The following CCZ1B variants were observed in gnomAD, a reference collection of about 807,000 sequenced individuals.
The protein encoded by CCZ1B is CCZ1B vacuolar protein trafficking and biogenesis associated, also known as vacuolar fusion protein CCZ1 homolog B.
In CCZ1B, 25 loss-of-function variants were observed where a neutral mutation model predicts 58.8. That is an observed-to-expected ratio of 0.43 (90% CI 0.31 to 0.59). The LOEUF (loss-of-function observed/expected upper bound fraction) is 0.59, where lower values mean the gene tolerates loss of function less well. Ranked by LOEUF, CCZ1B falls within the 20% of genes least tolerant of loss-of-function variation. The pLI is 0.12. For synonymous variants in CCZ1B, 66 were observed against 173.2 expected (o/e 0.38, Z 4.86); for missense variants, 180 against 501.5 (o/e 0.36, Z 6.12).
intron 12 of CCZ1B, among the ~76,000 whole-genome samples, chr7:6,802,301 CAG>C (rs1482363475): frequency 1.1e-5 from 1 of 90,096 alleles, no homozygotes; most frequent in Admixed American, 1.4e-4. Flanking sequence ...CCTCCCAGGT[CAG>C]AGTCTGTGAC....
In CCZ1B at chr7:6,822,328, C is replaced by T. The variant is rs748870315; in HGVS notation, c.475G>A (p.Gly159Arg). The change falls in exon 6 of 15, where the codon GGA (glycine) becomes AGA (arginine). Residue 159 changes from glycine to arginine, a missense_variant. Coordinates refer to ENST00000316731, the MANE Select transcript of CCZ1B (RefSeq NM_198097.5). The part of the protein sequence containing the change: ...NGTFLKAMED[G>R]GVKLLKERLE... ...CTTTCTTTCAGAAGCTTGACGCCTC[C>T]GTCTTCCATGGCTTTCAGAAATGTA... is the stretch of plus-strand genomic sequence containing the variant. The T allele has an allele frequency of 6.9e-6, 11 of 1,591,150 alleles. No individual in the cohort carries two copies. Among genetic ancestry groups the T allele is most frequent in the East Asian group, 4.5e-5 (2 of 44,836 alleles).
At chr7:6,814,977 TTTA>T (rs1207567909) in intron 7 of CCZ1B, 132 bp from the exon 8 acceptor site, 1 of 576,902 alleles carries the variant, frequency 1.7e-6, no homozygotes, top group African/African-American at 2.1e-5. Context: ...ATTCTAACTT[TTTA>T]AAGTTTAAAG....
chr7:6,819,263 GTCTC>G (rs1783070592), intron 7 of CCZ1B, among the ~76,000 whole-genome samples: 1 of 140,738 alleles, frequency 7.1e-6, no homozygotes, highest in Admixed American at 7.2e-5. Context: ...TGGAGACAGA[GTCTC>G]TCTCTGTTGC....
intron 10 of CCZ1B, among the ~76,000 whole-genome samples, chr7:6,808,207 C>T (rs1473785417): frequency 7.8e-6 from 1 of 127,896 alleles, no homozygotes; most frequent in Non-Finnish European, 1.7e-5. Context: ...GGCCAACCCC[C>T]AATCAGATCT....
intron 5 of CCZ1B, 118 bp downstream of exon 5, chr7:6,823,195 C>G (rs1583558115): frequency 7.4e-7 from 1 of 1,356,880 alleles, no homozygotes; most frequent in Non-Finnish European, 1.0e-6. Context: ...ATTTTCTTCT[C>G]TAAGACAAAT....
At chr7:6,811,137 T>C (rs1782911380) in intron 10 of CCZ1B, among the ~76,000 whole-genome samples, 1 of 151,144 alleles carries the variant, frequency 6.6e-6, no homozygotes, top group Admixed American at 6.6e-5. Context: ...CTGCCACACT[T>C]CACTTCCCTT....
rs1325740987 is a variant in CCZ1B at position 6,801,977 on chromosome 7, T to C, written c.1107-454A>G. On this transcript the variant is annotated intron_variant, in intron 12 of 14. Transcript: ENST00000316731. ...CACCAAAATGATAGTTGAGTAGTTT[T>C]AACACGTATCTACATATAGCCCGTG... Among the ~76,000 whole-genome samples, 5 of 114,302 alleles carry C rather than the reference T, an allele frequency of 4.4e-5. 1 individual carries two copies. The highest frequency in any genetic ancestry group is 9.1e-5 in the Non-Finnish European group (5 of 54,930). The allele number at this position is 114,302 out of a possible 152,430, so 75.0% of individuals were successfully genotyped here.
At chr7:6,814,690 C>T in intron 8 of CCZ1B, 74 bp downstream of exon 8, 1 of 1,324,936 alleles carries the variant, frequency 7.5e-7, no homozygotes, top group Non-Finnish European at 1.1e-6. Flanking sequence ...CACCCCCATG[C>T]ACCACCATCT....
intron 7 of CCZ1B, among the ~76,000 whole-genome samples, chr7:6,815,879 T>G (rs3779099): frequency 0.48 from 66,273 of 137,404 alleles, 15,793 homozygotes; most frequent in South Asian, 0.76. Context: ...CTTCCTGGGT[T>G]ATATGGTAAT....
rs202055332 is a variant in CCZ1B at position 6,824,443 on chromosome 7, G to A, written c.312+12C>T. 1.2e-5 allele frequency: 19 copies of A among 1,604,650 alleles called. 1 individual carries two copies. The highest frequency in any genetic ancestry group is 4.5e-5 in the East Asian group (2 of 44,844). On this transcript the variant is annotated intron_variant, in intron 3 of 14. Coordinates refer to ENST00000316731, the MANE Select transcript of CCZ1B (RefSeq NM_198097.5). ...ATACAATTTCAGAAAGATACACTGT[G>A]TGTGTAAATACCATGACCATCCAGA...
At position 6,804,030 on chromosome 7, in the gene CCZ1B, T is replaced by C. The variant is rs1341043375; in HGVS notation, c.1106+908A>G. On this transcript the variant is annotated intron_variant, in intron 12 of 14. Coordinates refer to ENST00000316731, the MANE Select transcript of CCZ1B (RefSeq NM_198097.5). ...AGAAATTCACAGCCTTTTAGTAACT[T>C]CTCAAATGTGTAGAGAGCCCATTTA... Among the ~76,000 whole-genome samples, 11 of 149,890 alleles carry C rather than the reference T, an allele frequency of 7.3e-5. No homozygotes were observed. The Admixed American group carries it at 7.4e-4, about 10-fold the overall frequency.
At chr7:6,804,136 T>C (rs1212946975) in intron 12 of CCZ1B, among the ~76,000 whole-genome samples, 8 of 150,386 alleles carry the variant, frequency 5.3e-5, no homozygotes, top group Non-Finnish European at 1.2e-4. Context: ...TGAGAAAAGA[T>C]AGGCATGGCC....
chr7:6,811,953 T>A lies in CCZ1B; in HGVS notation c.953A>T (p.Lys318Met). 6.3e-7 allele frequency: 1 copy of A among 1,585,022 alleles called. No individual in the cohort carries two copies. The change falls in exon 10 of 15, where the codon AAG becomes ATG. Residue 318 changes from lysine to methionine, a missense_variant and splice_region_variant. Physicochemically the swap from Lys to Met is moderately conservative, Grantham distance 95. Transcript: ENST00000316731. ...CGCTGGAAGGAAAACAGTTGTTACC[T>A]TATAAACGATTAAATGGAGCTCTTC... ...TYEELHLIVY[K>M]AMSAAVCFMI...
intron 1 of CCZ1B, among the ~76,000 whole-genome samples, 156 bp from the exon 2 acceptor site, chr7:6,824,893 A>AT (rs1382727383): frequency 6.7e-6 from 1 of 148,876 alleles, no homozygotes; most frequent in Non-Finnish European, 1.5e-5. Flanking sequence ...TAATCCTAGT[A>AT]TTTTCAGAGG....
At position 6,819,955 on chromosome 7, in the gene CCZ1B, A is replaced by T; in HGVS notation, c.523-14T>A. The T allele has an allele frequency of 1.9e-6, 3 of 1,606,112 alleles. 1 individual carries two copies. Among genetic ancestry groups the T allele is most frequent in the Middle Eastern group, 3.3e-4 (2 of 5,996 alleles). On this transcript the variant is annotated splice_polypyrimidine_tract_variant and intron_variant, in intron 6 of 14. Coordinates refer to ENST00000316731, the MANE Select transcript of CCZ1B (RefSeq NM_198097.5). ...CGTTTGCAAATACTGTGGAAAAAAAATAAGGCATAAAATTTACTAATAGTA... is the reference window on the plus strand; with the variant it reads ...CGTTTGCAAATACTGTGGAAAAAAATTAAGGCATAAAATTTACTAATAGTA...
At chr7:6,823,584 T>A (rs1210689405) in intron 4 of CCZ1B, among the ~76,000 whole-genome samples, 1 of 130,774 alleles carries the variant, frequency 7.6e-6, no homozygotes, top group East Asian at 2.4e-4. Flanking sequence ...AGTGGTACAA[T>A]CCTGGCTCAC....
At chr7:6,808,256 A>G (rs1287227092) in intron 10 of CCZ1B, among the ~76,000 whole-genome samples, 2 of 124,922 alleles carry the variant, frequency 1.6e-5, no homozygotes, top group Admixed American at 9.4e-5. Context: ...CTGGATGTCA[A>G]CACTCCACAG....
At chr7:6,825,292 C>A (rs1783177408) in intron 1 of CCZ1B, among the ~76,000 whole-genome samples, 1 of 146,578 alleles carries the variant, frequency 6.8e-6, no homozygotes. Flanking sequence ...GGCTGTAGTG[C>A]AGTGGCGCTA....
chr7:6,818,711 A>AAAGAAAGAAAGAAAG lies in CCZ1B; in HGVS notation c.698+1054_698+1055insCTTTCTTTCTTTCTT, dbSNP rs1562431518. Among the ~76,000 whole-genome samples the AAAGAAAGAAAGAAAG allele has an allele frequency of 4.1e-4, 42 of 103,412 alleles. 3 individuals are homozygous for AAAGAAAGAAAGAAAG. Among genetic ancestry groups the AAAGAAAGAAAGAAAG allele is most frequent in the African/African-American group, 1.4e-3 (40 of 28,024 alleles). The allele number at this position is 103,412 out of a possible 152,430, so 67.8% of individuals were successfully genotyped here. A position where few individuals can be genotyped will look rare whatever the true frequency, so the allele number is the denominator to read the frequency against. ...AAAGAAAGACAAGAAAGAAAGAAAG[A>AAAGAAAGAAAGAAAG]CAAGAAAGAAAGAAAGAAAGAAAGA... On this transcript the variant is annotated intron_variant, in intron 7 of 14. Coordinates refer to ENST00000316731, the MANE Select transcript of CCZ1B (RefSeq NM_198097.5).
Sources: gnomAD v4.1 joint callset for allele counts (sites outside exome capture counted in the v4.1 genomes callset) on GRCh38, gnomAD v4.1.1 for gene constraint, MANE v1.5 for transcripts, NCBI Gene and HGNC (gene_info 2026-07-23, HGNC 2026-07-21) for gene names.